The following ABTB2 variants were observed in gnomAD, a reference collection of about 807,000 sequenced individuals.
ABTB2 encodes ankyrin repeat and BTB domain containing 2, also known as ankyrin repeat and BTB/POZ domain-containing protein 2.
Under a neutral mutation model 104.1 loss-of-function variants are expected in ABTB2, and 56 were observed. The observed-to-expected ratio is 0.54, with a 90% CI of 0.43 to 0.67. The LOEUF (loss-of-function observed/expected upper bound fraction) is 0.67. Among genes scored for constraint, ABTB2 ranks in the 30% least tolerant of loss-of-function variants. The pLI, the probability that ABTB2 is intolerant of heterozygous loss-of-function variation, is 0.00. For missense variants in ABTB2, 1,279 were observed against 1,407.7 expected (o/e 0.91, Z 1.46); for synonymous variants, 606 against 608.2 (o/e 1.00, Z 0.05).
intron 1 of ABTB2, among the ~76,000 whole-genome samples, chr11:34,257,289 G>A (rs1158106296): frequency 6.6e-6 from 1 of 151,934 alleles, no homozygotes; most frequent in Non-Finnish European, 1.5e-5. Context: ...CTCTATGGCA[G>A]CAGAGAAGGA....
intron 1 of ABTB2, among the ~76,000 whole-genome samples, chr11:34,291,353 T>A (rs1771971051): frequency 6.6e-6 from 1 of 152,296 alleles, no homozygotes; most frequent in Admixed American, 6.5e-5. Context: ...GAGGGAAAGC[T>A]GAAGACCCCT....
At chr11:34,335,288 T>C (rs1354019635) in intron 1 of ABTB2, 12 of 1,270,688 alleles carry the variant, frequency 9.4e-6, no homozygotes, top group Non-Finnish European at 1.4e-5. Flanking sequence ...AAGATTGTTG[T>C]TTGTATATGG....
intron 3 of ABTB2, among the ~76,000 whole-genome samples, chr11:34,175,933 A>G (rs79821532): frequency 0.018 from 2,763 of 152,170 alleles, 84 homozygotes; most frequent in African/African-American, 0.063. Context: ...TCAAGACTCC[A>G]TTCCAATGCC....
At chr11:34,289,149 C>T (rs1163959957) in intron 1 of ABTB2, among the ~76,000 whole-genome samples, 1 of 152,154 alleles carries the variant, frequency 6.6e-6, no homozygotes, top group Non-Finnish European at 1.5e-5. Context: ...CTTCTAGGTC[C>T]AGGAGGACTT....
intron 1 of ABTB2, among the ~76,000 whole-genome samples, chr11:34,341,622 G>A (rs1337929850): frequency 2.0e-5 from 3 of 152,036 alleles, no homozygotes; most frequent in Non-Finnish European, 4.4e-5. Flanking sequence ...TAACCTTATC[G>A]AATTTGAATA....
rs181282435 is a variant in ABTB2, at chr11:34,185,448, C to G, written c.1244+11877G>C. ...ATTGGCTTCTGAGCAGCAAAGCCAC[C>G]TTGCTGAGATGTGCTCAGGGCCTAC... On this transcript the variant is annotated intron_variant, in intron 3 of 16. Transcript: ENST00000435224. Among the ~76,000 whole-genome samples the G allele has an allele frequency of 4.6e-5, 7 of 152,342 alleles. No homozygotes were observed. The East Asian group carries it at 1.2e-3, about 25-fold the overall frequency.
At chr11:34,263,558 G>C (rs1362712109) in intron 1 of ABTB2, among the ~76,000 whole-genome samples, 1 of 152,100 alleles carries the variant, frequency 6.6e-6, no homozygotes, top group Non-Finnish European at 1.5e-5. Flanking sequence ...AGCTTATCTG[G>C]ATTGGAAGTG....
chr11:34,252,565 A>G lies in ABTB2; in HGVS notation c.884-47875T>C, dbSNP rs995011180. ...CCCCCAACCCTCCAACCTGCCTGAA[A>G]GAGAGGAGAGCAGGGAGAGAGAATG... On this transcript the variant is annotated intron_variant, in intron 1 of 16. Coordinates refer to ENST00000435224, the MANE Select transcript of ABTB2 (RefSeq NM_145804.3). This position sits in a 1 kb window ranked among gnomAD's most constrained non-coding sequence, Gnocchi z 5.5. 6.6e-6 allele frequency among the ~76,000 whole-genome samples: 1 copy of G among 152,056 alleles called. No homozygotes were observed. Among genetic ancestry groups the G allele is most frequent in the African/African-American group, 2.4e-5 (1 of 41,386 alleles).
chr11:34,224,704 C>T (rs1853665748), intron 1 of ABTB2, among the ~76,000 whole-genome samples: 1 of 152,180 alleles, frequency 6.6e-6, no homozygotes, highest in Non-Finnish European at 1.5e-5. Flanking sequence ...TGAGGGCGAA[C>T]ATCAAATGAG....
At position 34,342,133 on chromosome 11, in the gene ABTB2, C is replaced by T. The variant is rs75424059; in HGVS notation, c.883+14568G>A. Among the ~76,000 whole-genome samples the T allele has an allele frequency of 9.9e-4, 151 of 152,348 alleles. 1 individual carries two copies. The highest frequency in any genetic ancestry group is 1.9e-3 in the Non-Finnish European group (126 of 68,042). ...AGCTAACAGCTTCCAAACATTCTTC[C>T]TCTTGAGCTATTTTAAGCAACCAAT... is the stretch of plus-strand genomic sequence containing the variant. On this transcript the variant is annotated intron_variant, in intron 1 of 16. Transcript: ENST00000435224.
chr11:34,298,411 TC>T (rs1854653294), intron 1 of ABTB2, among the ~76,000 whole-genome samples: 1 of 137,206 alleles, frequency 7.3e-6, no homozygotes, highest in African/African-American at 2.9e-5. Context: ...TGATCTTGTT[TC>T]TTTTTTTTTT....
In ABTB2 at chr11:34,339,350, A is replaced by C. The variant is rs528873084; in HGVS notation, c.883+17351T>G. 7.9e-5 allele frequency among the ~76,000 whole-genome samples: 12 copies of C among 152,310 alleles called. No individual in the cohort carries two copies. The East Asian group carries it at 2.3e-3, about 29-fold the overall frequency. ...GTGTGGGCTCATGCTAGAGGTCACC[A>C]CACCCCACTCCACACCACATCCTTC... On this transcript the variant is annotated intron_variant, in intron 1 of 16. Transcript: ENST00000435224.
At chr11:34,251,769 C>CAACT (rs1421279926) in intron 1 of ABTB2, among the ~76,000 whole-genome samples, 1 of 152,178 alleles carries the variant, frequency 6.6e-6, no homozygotes, top group Admixed American at 6.6e-5. Flanking sequence ...GTGGAGGACA[C>CAACT]AACTGTTCCT....
At chr11:34,197,565 G>C in intron 2 of ABTB2, 27 bp from the exon 3 acceptor site, 1 of 1,453,218 alleles carries the variant, frequency 6.9e-7, no homozygotes, top group Non-Finnish European at 9.3e-7. Flanking sequence ...AGGGCAGAGG[G>C]GAGGAAGAGA....
intron 1 of ABTB2, among the ~76,000 whole-genome samples, chr11:34,250,214 C>T (rs1247116627): frequency 6.6e-6 from 1 of 152,046 alleles, no homozygotes; most frequent in Non-Finnish European, 1.5e-5. Context: ...CATTAAGGAC[C>T]TTGTATCTTC....
In ABTB2 at chr11:34,151,723, G is replaced by C. The variant is rs1391980123; in HGVS notation, c.*664C>G. On this transcript the variant is annotated 3_prime_UTR_variant, in exon 17 of 17. Transcript: ENST00000435224. ...CCTCTGCTGCTAACTGAGCAAGCTGGTAGTCCTGATGGGAGGGACTCTGGA... is the reference window on the plus strand; with the variant it reads ...CCTCTGCTGCTAACTGAGCAAGCTGCTAGTCCTGATGGGAGGGACTCTGGA... The C allele has an allele frequency of 6.5e-6, 1 of 152,692 alleles. No homozygotes were observed. The highest frequency in any genetic ancestry group is 2.4e-5 in the African/African-American group (1 of 41,428). 9.5% of individuals were successfully genotyped at this position (152,692 alleles called of 1,614,324 possible). A position where few individuals can be genotyped will look rare whatever the true frequency, so the allele number is the denominator to read the frequency against.
intron 1 of ABTB2, among the ~76,000 whole-genome samples, chr11:34,290,432 G>A (rs188710742): frequency 6.6e-6 from 1 of 152,316 alleles, no homozygotes; most frequent in African/African-American, 2.4e-5. Context: ...TAAATGTGTG[G>A]TTCTTCTCTG....
chr11:34,229,134 A>AAAAAAAG (rs537214230), intron 1 of ABTB2, among the ~76,000 whole-genome samples: 3 of 144,376 alleles, frequency 2.1e-5, no homozygotes, highest in East Asian at 2.1e-4. Flanking sequence ...AAAAAAAAAA[A>AAAAAAAG]AGAGAAAAAA....
intron 1 of ABTB2, among the ~76,000 whole-genome samples, chr11:34,277,207 T>C (rs1460490760): frequency 6.6e-6 from 1 of 152,168 alleles, no homozygotes; most frequent in Non-Finnish European, 1.5e-5. Flanking sequence ...CAGCCAGAAG[T>C]ATGTATTTAA....
Sources: allele counts gnomAD v4.1 joint callset (sites outside exome capture counted in the v4.1 genomes callset), GRCh38; gene constraint gnomAD v4.1.1; non-coding constraint Gnocchi (gnomAD v3.1); transcripts MANE v1.5; gene names NCBI Gene and HGNC (gene_info 2026-07-23, HGNC 2026-07-21).